MKI67: variants seen among roughly 807,000 people sequenced by gnomAD.
MKI67 encodes marker of proliferation Ki-67, also known as proliferation marker protein Ki-67.
MKI67 carries 152 observed loss-of-function variants against 233.5 expected under a neutral mutation model. That is an observed-to-expected ratio of 0.65 (90% CI 0.57 to 0.74). The LOEUF (loss-of-function observed/expected upper bound fraction) is 0.74. Ranked by LOEUF, MKI67 falls within the 30% of genes least tolerant of loss-of-function variation. The probability of loss-of-function intolerance (pLI) is 0.00; values close to 1 mark genes in which losing one functional copy is unlikely to be tolerated. For synonymous variants in MKI67, 1,465 were observed against 1,418.5 expected, an observed-to-expected ratio of 1.03 and a Z score of -0.74; for missense variants, 3,940 against 3,885.2, an observed-to-expected ratio of 1.01 and a Z score of -0.37.
rs577772248 is a variant in MKI67 at position 128,119,135 on chromosome 10, T to C, written c.354+118A>G. On this transcript the variant is annotated intron_variant, in intron 5 of 14. Transcript: ENST00000368654. The stretch of plus-strand genomic sequence containing the variant: ...TTTTTATACTTTAGTTACATTTTCC[T>C]ACTATAACAGTAACCACCCTCTTTG... The C allele has an allele frequency of 3.9e-5, 28 of 716,924 alleles. No homozygotes were observed. The African/African-American group carries it at 4.9e-4, about 13-fold the overall frequency. The allele number at this position is 716,924 out of a possible 1,614,324, so 44.4% of individuals were successfully genotyped here. A position where few individuals can be genotyped will look rare whatever the true frequency, so the allele number is the denominator to read the frequency against.
At chr10:128,113,167 T>C (rs1039233945) in intron 8 of MKI67, among the ~76,000 whole-genome samples, 2 of 152,056 alleles carry the variant, frequency 1.3e-5, no homozygotes, top group African/African-American at 4.8e-5. Context: ...TAAGCGTGGG[T>C]GTCTGGGAAC....
At chr10:128,117,773 A>G (rs1852838517) in intron 5 of MKI67, among the ~76,000 whole-genome samples, 1 of 152,248 alleles carries the variant, frequency 6.6e-6, no homozygotes. Flanking sequence ...AAAATTATGA[A>G]TATGTAAAGT....
intron 14 of MKI67, among the ~76,000 whole-genome samples, chr10:128,100,489 A>G (rs1852314798): frequency 6.6e-6 from 1 of 152,342 alleles, no homozygotes; most frequent in African/African-American, 2.4e-5. Context: ...CTGAACTCAG[A>G]ATATGGTAGT....
At chr10:128,119,609 C>A (rs1852888469) in intron 4 of MKI67, among the ~76,000 whole-genome samples, 1 of 152,196 alleles carries the variant, frequency 6.6e-6, no homozygotes, top group Non-Finnish European at 1.5e-5. Context: ...TACCAAGCAC[C>A]TTCTATGACA....
chr10:128,113,730 T>C, intron 7 of MKI67, 128 bp from the exon 8 acceptor site: 1 of 788,226 alleles, frequency 1.3e-6, no homozygotes, highest in Admixed American at 2.7e-5. Flanking sequence ...ACAGCACGCC[T>C]CTATTCTTGC....
intron 11 of MKI67, among the ~76,000 whole-genome samples, chr10:128,111,109 C>T (rs1264310401): frequency 4.6e-5 from 7 of 152,214 alleles, no homozygotes; most frequent in East Asian, 3.8e-4. Flanking sequence ...TGAGCCACTG[C>T]GCCGGCCATC....
chr10:128,102,437 T>C (rs1564997818), intron 13 of MKI67, 142 bp downstream of exon 13: 8 of 989,720 alleles, frequency 8.1e-6, no homozygotes, highest in Non-Finnish European at 1.2e-5. Flanking sequence ...TTCTTTACCA[T>C]GGCCTGCAGT....
chr10:128,119,134 C>G (rs921802223), intron 5 of MKI67, 119 bp downstream of exon 5: 2 of 708,480 alleles, frequency 2.8e-6, no homozygotes, highest in Non-Finnish European at 4.9e-6. Context: ...TTACATTTTC[C>G]TACTATAACA....
At chr10:128,099,420 A>G (rs1013146098) in intron 14 of MKI67, among the ~76,000 whole-genome samples, 165 bp from the exon 15 acceptor site, 1 of 152,220 alleles carries the variant, frequency 6.6e-6, no homozygotes, top group African/African-American at 2.4e-5. Context: ...TATTCCATTA[A>G]CATTGTTTTT....
At position 128,101,464 on chromosome 10, in the gene MKI67, G is replaced by T; in HGVS notation, c.9499C>A (p.Pro3167Thr). ...RSARQNESSQPKVAEESGGQK... is the reference protein window; with the variant it reads ...RSARQNESSQTKVAEESGGQK... ...CCTCCGCTCTCCTCTGCCACCTTAG[G>T]CTGGGAGCTCTCATTCTGTCTAGCA... The change falls in exon 14 of 15, where the codon CCT (proline) becomes ACT (threonine). Residue 3167 changes from proline to threonine, a missense_variant. Physicochemically the swap from Pro to Thr is conservative, Grantham distance 38 (BLOSUM62 -1). Coordinates refer to ENST00000368654, the MANE Select transcript of MKI67 (RefSeq NM_002417.5). 1 of 1,614,120 alleles carries T rather than the reference G, an allele frequency of 6.2e-7. No individual in the cohort carries two copies. Among genetic ancestry groups the T allele is most frequent in the Non-Finnish European group, 8.5e-7 (1 of 1,180,038 alleles).
rs1410874380 is a variant in MKI67 at position 128,097,122 on chromosome 10, TAA to T, written c.*2066_*2067del. ...CCACAGGCCCTGGGAGGCGAAAAAG[TAA>T]AAACAGCTTGTATTTAATGGGAATG... On this transcript the variant is annotated 3_prime_UTR_variant, in exon 15 of 15. Transcript: ENST00000368654. 1 of 152,106 alleles carries T rather than the reference TAA, an allele frequency of 6.6e-6. No homozygotes were observed. The highest frequency in any genetic ancestry group is 6.5e-5 in the Admixed American group (1 of 15,272). The allele number at this position is 152,106 out of a possible 1,614,324, so 9.4% of individuals were successfully genotyped here.
In MKI67 at chr10:128,125,902, A is replaced by G. The variant is rs559584248; in HGVS notation, c.-89-146T>C. On this transcript the variant is annotated intron_variant, in intron 1 of 14. Coordinates refer to ENST00000368654, the MANE Select transcript of MKI67 (RefSeq NM_002417.5). The surrounding 1 kb of genome is among the most constrained non-coding windows in gnomAD (Gnocchi z 5.3). ...ATCCGACCGCAGCCCCCGGCGCCCC[A>G]AAGTCCGGCAGCTGGGGTGTTGTCG... is the stretch of plus-strand genomic sequence containing the variant. 5 of 531,706 alleles carry G rather than the reference A, an allele frequency of 9.4e-6. No individual in the cohort carries two copies. The East Asian group carries it at 1.7e-4, about 18-fold the overall frequency. The allele number at this position is 531,706 out of a possible 1,614,324, so 32.9% of individuals were successfully genotyped here.
In MKI67 at chr10:128,102,899, C is replaced by T. The variant is rs367826167; in HGVS notation, c.8941G>A (p.Val2981Ile). 7.4e-6 allele frequency: 12 copies of T among 1,614,076 alleles called. No homozygotes were observed. The highest frequency in any genetic ancestry group is 1.7e-5 in the Admixed American group (1 of 60,012). The change falls in exon 13 of 15, where the codon GTA becomes ATA. Residue 2981 changes from valine to isoleucine, a missense_variant. Transcript: ENST00000368654. Reference protein sequence around the residue: ...VGDVVSTRDPVKSQSKSNTSL... With the variant: ...VGDVVSTRDPIKSQSKSNTSL... ...GTGTTGCTTTTGCTTTGTGATTTTA[C>T]AGGGTCTCTGGTGCTTACCACGTCT...
chr10:128,108,100 G>A lies in MKI67; in HGVS notation c.3740C>T (p.Thr1247Ile), dbSNP rs4750685. The A allele has an allele frequency of 0.094, 150,955 of 1,613,134 alleles. 7,578 individuals are homozygous for A. The highest frequency in any genetic ancestry group is 0.15 in the Admixed American group (9,277 of 59,908). Residue 1247 changes from threonine (T) to isoleucine (I), a missense_variant, in exon 13 of 15, where the codon ACT becomes ATT. Physicochemically the swap from Thr to Ile is moderately conservative, Grantham distance 89. Coordinates refer to ENST00000368654, the MANE Select transcript of MKI67 (RefSeq NM_002417.5). ...TEELVAAGKT[T>I]KIPCDSPQSD... ...CTGTGGAGAGTCGCAGGGTATTTTA[G>A]TGGTTTTACCAGCAGCCACTAATTC...
Position 128,099,130 on chromosome 10 carries a change from C to G in MKI67, c.*60G>C. ...ATTCACTTGTAATTTATGACAAAAA[C>G]TGCACTAGAACTTATCACAAAACTA... On this transcript the variant is annotated 3_prime_UTR_variant, in exon 15 of 15. Coordinates refer to ENST00000368654, the MANE Select transcript of MKI67 (RefSeq NM_002417.5). 1 of 1,312,662 alleles carries G rather than the reference C, an allele frequency of 7.6e-7. No individual in the cohort carries two copies. The highest frequency in any genetic ancestry group is 1.1e-6 in the Non-Finnish European group (1 of 930,436). The allele number at this position is 1,312,662 out of a possible 1,614,324, so 81.3% of individuals were successfully genotyped here. A position where few individuals can be genotyped will look rare whatever the true frequency, so the allele number is the denominator to read the frequency against.
At position 128,104,547 on chromosome 10, in the gene MKI67, A is replaced by C. The variant is rs772589145; in HGVS notation, c.7293T>G (p.Ala2431=). The change falls in exon 13 of 15, where the codon GCT becomes GCG. Residue 2431 remains alanine, a synonymous_variant. Transcript: ENST00000368654. The part of the protein sequence containing the change: ...KRQPQTPKEK[A]EALEDLVGFK... ...AGCCAACCAGGTCCTCTAGAGCCTC[A>C]GCCTTTTCCTTAGGAGTCTGTGGCT... 1 of 1,613,994 alleles carries C rather than the reference A, an allele frequency of 6.2e-7. No homozygotes were observed. Among genetic ancestry groups the C allele is most frequent in the Non-Finnish European group, 8.5e-7 (1 of 1,179,974 alleles).
chr10:128,119,565 A>C (rs1852887339), intron 4 of MKI67, among the ~76,000 whole-genome samples: 1 of 152,366 alleles, frequency 6.6e-6, no homozygotes, highest in East Asian at 1.9e-4. Flanking sequence ...ACTTCTGATC[A>C]CTGACGAACA....
In MKI67 at chr10:128,098,128, G is replaced by A. The variant is rs1176725572; in HGVS notation, c.*1062C>T. ...GATTTGGGGAACACAGAGAGGACAG[G>A]GGGCAAAGTGGAAAGTAAATGAAGA... On this transcript the variant is annotated 3_prime_UTR_variant, in exon 15 of 15. Transcript: ENST00000368654. 6.6e-6 allele frequency: 1 copy of A among 152,244 alleles called. No homozygotes were observed. Among genetic ancestry groups the A allele is most frequent in the Non-Finnish European group, 1.5e-5 (1 of 68,064 alleles). The allele number at this position is 152,244 out of a possible 1,614,324, so 9.4% of individuals were successfully genotyped here. A position where few individuals can be genotyped will look rare whatever the true frequency, so the allele number is the denominator to read the frequency against.
chr10:128,103,173 T>C lies in MKI67; in HGVS notation c.8667A>G (p.Ala2889=), dbSNP rs780500149. The change falls in exon 13 of 15, where the codon GCA becomes GCG. Residue 2889 remains alanine, a synonymous_variant. Transcript: ENST00000368654. The part of the protein sequence containing the change: ...GKGTKAFKQP[A]KRKLDAEDVI... ...CATCTTCTGCGTCCAGCTTCCGCTT[T>C]GCAGGTTGCTTAAATGCTTTCGTGC... 1.5e-5 allele frequency: 24 copies of C among 1,613,936 alleles called. No homozygotes were observed. Among genetic ancestry groups the C allele is most frequent in the Non-Finnish European group, 2.0e-5 (24 of 1,180,024 alleles).
Sources: allele counts gnomAD v4.1 joint callset (sites outside exome capture counted in the v4.1 genomes callset), GRCh38; gene constraint gnomAD v4.1.1; non-coding constraint Gnocchi (gnomAD v3.1); transcripts MANE v1.5; gene names NCBI Gene and HGNC (gene_info 2026-07-23, HGNC 2026-07-21).